The following DCUN1D2 variants were observed in gnomAD, a reference collection of about 807,000 sequenced individuals.
DCUN1D2 encodes DCN1-like protein 2.
A neutral mutation model predicts 30.9 loss-of-function variants in DCUN1D2; 29 were observed. The ratio of observed to expected loss-of-function variants is 0.94; its 90% CI spans 0.70 to 1.28. The LOEUF is 1.28. Ranked by LOEUF, DCUN1D2 falls within the 50% of genes most tolerant of loss-of-function variation. DCUN1D2 has a pLI of 0.00. For missense variants in DCUN1D2, 325 were observed against 316.9 expected, an observed-to-expected ratio of 1.03 and a Z score of -0.19; for synonymous variants, 121 against 115.3, an observed-to-expected ratio of 1.05 and a Z score of -0.32.
At chr13:113,481,557 A>C (rs1594121816) in intron 2 of DCUN1D2, among the ~76,000 whole-genome samples, 3 of 152,348 alleles carry the variant, frequency 2.0e-5, no homozygotes, top group African/African-American at 7.2e-5. Flanking sequence ...TGGTCATTTA[A>C]GTAGTATACT....
intron 1 of DCUN1D2, among the ~76,000 whole-genome samples, chr13:113,487,031 T>G (rs2044817170): frequency 6.6e-6 from 1 of 152,246 alleles, no homozygotes; most frequent in Non-Finnish European, 1.5e-5. Context: ...CATTATTTCC[T>G]GAAACTGAGC....
rs1359916629 is a variant in DCUN1D2 at position 113,456,106 on chromosome 13, A to C, written c.*1923T>G. Reference sequence around the variant, plus strand: ...CCTGGAAGATACGCTCACGTTTTTGAGGTTTGTATTAATGCCAGTTTTTAT... The same window carrying C: ...CCTGGAAGATACGCTCACGTTTTTGCGGTTTGTATTAATGCCAGTTTTTAT... On this transcript the variant is annotated 3_prime_UTR_variant, in exon 7 of 7. Transcript: ENST00000478244. 3.0e-5 allele frequency: 12 copies of C among 397,920 alleles called. No homozygotes were observed. The highest frequency in any genetic ancestry group is 4.4e-5 in the Non-Finnish European group (10 of 226,002). 24.6% of individuals were successfully genotyped at this position (397,920 alleles called of 1,614,324 possible).
chr13:113,458,336 G>A (rs567520692), intron 6 of DCUN1D2, among the ~76,000 whole-genome samples: 1 of 152,344 alleles, frequency 6.6e-6, no homozygotes, highest in South Asian at 2.1e-4. Context: ...AGGGGGCTGT[G>A]GGCTCACAGT....
chr13:113,491,524 C>T (rs2045047795), upstream of DCUN1D2, among the ~76,000 whole-genome samples: 2 of 151,928 alleles, frequency 1.3e-5, no homozygotes, highest in African/African-American at 4.8e-5. Context: ...CCCCTCCTCT[C>T]TCTCCCTCCC....
chr13:113,470,392 G>A (rs533381637), intron 4 of DCUN1D2, among the ~76,000 whole-genome samples: 2 of 152,266 alleles, frequency 1.3e-5, no homozygotes, highest in Middle Eastern at 3.4e-3. Context: ...GACACATGAT[G>A]GGTAACAACT....
At chr13:113,477,912 G>A (rs1415503683) in intron 3 of DCUN1D2, among the ~76,000 whole-genome samples, 1 of 152,046 alleles carries the variant, frequency 6.6e-6, no homozygotes, top group African/African-American at 2.4e-5. Flanking sequence ...TTTTGCTAAT[G>A]ACTGGTCAGT....
intron 5 of DCUN1D2, among the ~76,000 whole-genome samples, chr13:113,460,440 G>C (rs1162943449): frequency 1.3e-5 from 2 of 152,236 alleles, no homozygotes; most frequent in African/African-American, 4.8e-5. Context: ...TACCGGGCTT[G>C]TGGCCACTCA....
chr13:113,484,173 C>G (rs2044761366), intron 1 of DCUN1D2, 117 bp from the exon 2 acceptor site: 58 of 1,509,180 alleles, frequency 3.8e-5, no homozygotes, highest in Non-Finnish European at 5.0e-5. Context: ...TGCTCTTCAT[C>G]AGTTACAAAG....
At chr13:113,469,100 C>T (rs912672502) in intron 4 of DCUN1D2, 2 of 152,448 alleles carry the variant, frequency 1.3e-5, no homozygotes, top group East Asian at 1.9e-4. Flanking sequence ...CAGTGCCAGA[C>T]AATCTCAGAC....
chr13:113,460,195 C>T (rs564062649), intron 5 of DCUN1D2, among the ~76,000 whole-genome samples: 13 of 152,344 alleles, frequency 8.5e-5, no homozygotes, highest in Non-Finnish European at 1.6e-4. Flanking sequence ...GTGACGTCAC[C>T]TTCCACAGAC....
chr13:113,487,535 C>T (rs1425748468), intron 1 of DCUN1D2, among the ~76,000 whole-genome samples: 2 of 152,084 alleles, frequency 1.3e-5, no homozygotes, highest in East Asian at 1.9e-4. Flanking sequence ...CCACAGTGCA[C>T]GAGTCCAGCC....
intron 1 of DCUN1D2, among the ~76,000 whole-genome samples, chr13:113,484,782 T>C (rs371271331): frequency 1.2e-4 from 19 of 152,284 alleles, no homozygotes; most frequent in African/African-American, 3.8e-4. Flanking sequence ...CTTTCAGATA[T>C]AGGAGGGCTG....
chr13:113,474,354 G>A, intron 3 of DCUN1D2, 100 bp from the exon 4 acceptor site: 1 of 1,478,942 alleles, frequency 6.8e-7, no homozygotes, highest in Non-Finnish European at 9.1e-7. Flanking sequence ...CGCAGCTCCA[G>A]CTGGAGACCG....
At chr13:113,476,669 G>A (rs1411762617) in intron 3 of DCUN1D2, among the ~76,000 whole-genome samples, 2 of 152,016 alleles carry the variant, frequency 1.3e-5, no homozygotes, top group African/African-American at 2.4e-5. Context: ...CACTCTATCG[G>A]CATTTTTCTT....
In DCUN1D2 at chr13:113,490,670, C is replaced by A. The variant is rs1360626243; in HGVS notation, c.-1G>T. The A allele has an allele frequency of 3.2e-6, 4 of 1,245,140 alleles. No homozygotes were observed. The East Asian group carries it at 1.4e-4, about 44-fold the overall frequency. The allele number at this position is 1,245,140 out of a possible 1,614,324, so 77.1% of individuals were successfully genotyped here. ...GAGGCGACGCCGGGCCACCTACCAT[C>A]TCCCCCGCGCCGCCCGCTTCTGGCC... On this transcript the variant is annotated 5_prime_UTR_variant, in exon 1 of 7. Transcript: ENST00000478244. The surrounding 1 kb of genome is among the most constrained non-coding windows in gnomAD (Gnocchi z 5.2).
intron 1 of DCUN1D2, among the ~76,000 whole-genome samples, chr13:113,484,778 G>T (rs963698212): frequency 6.6e-6 from 1 of 152,148 alleles, no homozygotes; most frequent in Non-Finnish European, 1.5e-5. Context: ...GACACTTTCA[G>T]ATATAGGAGG....
At chr13:113,478,274 G>C (rs1014463306) in intron 3 of DCUN1D2, among the ~76,000 whole-genome samples, 5 of 151,162 alleles carry the variant, frequency 3.3e-5, no homozygotes, top group Non-Finnish European at 7.4e-5. Context: ...GTCAGTTTTA[G>C]TAAATTACAT....
intron 5 of DCUN1D2, among the ~76,000 whole-genome samples, chr13:113,460,274 C>G (rs1015327488): frequency 3.3e-5 from 5 of 152,250 alleles, no homozygotes; most frequent in Non-Finnish European, 5.9e-5. Flanking sequence ...GTGACGTGCC[C>G]AAGGCCACAG....
rs888603806 is a variant in DCUN1D2, at chr13:113,457,825, C to T, written c.*204G>A. The T allele has an allele frequency of 3.5e-6, 2 of 576,202 alleles. No individual in the cohort carries two copies. The highest frequency in any genetic ancestry group is 2.3e-5 in the South Asian group (1 of 42,876). The allele number at this position is 576,202 out of a possible 1,614,324, so 35.7% of individuals were successfully genotyped here. A position where few individuals can be genotyped will look rare whatever the true frequency, so the allele number is the denominator to read the frequency against. On this transcript the variant is annotated 3_prime_UTR_variant, in exon 7 of 7. Transcript: ENST00000478244. ...TATGATGACAAATCTCCAAACATCC[C>T]AAAGCAGCCGTGTCCCGAGGAACTT... is the stretch of plus-strand genomic sequence containing the variant.
Sources: allele counts gnomAD v4.1 joint callset (sites outside exome capture counted in the v4.1 genomes callset), GRCh38; gene constraint gnomAD v4.1.1; non-coding constraint Gnocchi (gnomAD v3.1); transcripts MANE v1.5; gene names NCBI Gene and HGNC (gene_info 2026-07-23, HGNC 2026-07-21).